Variants in KAZN observed in about 807,000 individuals in gnomAD.
KAZN encodes kazrin, periplakin interacting protein.
KAZN carries 40 observed loss-of-function variants against 87.4 expected under a neutral mutation model. That is an observed-to-expected ratio of 0.46 (90% CI 0.36 to 0.60). KAZN has a LOEUF of 0.60. KAZN is among the 20% of genes least tolerant of loss of function. The pLI, the probability that KAZN is intolerant of heterozygous loss-of-function variation, is 0.00. For missense variants in KAZN, 898 were observed against 1,073.9 expected, an observed-to-expected ratio of 0.84 and a Z score of 2.29; for synonymous variants, 466 against 458.3, an observed-to-expected ratio of 1.02 and a Z score of -0.22.
chr1:14,858,443 C>T (rs1650431072), intron 1 of KAZN, among the ~76,000 whole-genome samples: 2 of 152,070 alleles, frequency 1.3e-5, no homozygotes, highest in African/African-American at 4.8e-5. Context: ...GAACTCCTGA[C>T]CTCAGGTGAT....
intron 2 of KAZN, among the ~76,000 whole-genome samples, chr1:14,240,559 G>T (rs1648846100): frequency 6.6e-6 from 1 of 152,172 alleles, no homozygotes; most frequent in Non-Finnish European, 1.5e-5. Context: ...CAAATTAAGG[G>T]GTAACTGGGC....
intron 1 of KAZN, among the ~76,000 whole-genome samples, chr1:14,039,471 A>G (rs16853482): frequency 0.2 from 30,979 of 152,162 alleles, 3,246 homozygotes; most frequent in Middle Eastern, 0.26. Context: ...GACGACCCTA[A>G]CATCTAGCAA....
chr1:14,097,682 C>T (rs900187335), intron 1 of KAZN, among the ~76,000 whole-genome samples: 13 of 152,166 alleles, frequency 8.5e-5, no homozygotes, highest in Non-Finnish European at 1.8e-4. Flanking sequence ...TGTTCTTTAT[C>T]TTGTGAATTG....
intron 1 of KAZN, among the ~76,000 whole-genome samples, chr1:14,015,459 C>CTTTTTTTTTT (rs70987713): frequency 8.0e-5 from 2 of 25,066 alleles, no homozygotes; most frequent in African/African-American, 2.1e-4. Flanking sequence ...GTTACATCTA[C>CTTTTTTTTTT]TTTTTTTTTT....
At chr1:14,866,890 C>A (rs563729893) in intron 1 of KAZN, among the ~76,000 whole-genome samples, 1 of 152,330 alleles carries the variant, frequency 6.6e-6, no homozygotes, top group Non-Finnish European at 1.5e-5. Flanking sequence ...CTGGCCTGAG[C>A]TGTGGGGAGA....
chr1:14,375,613 A>G (rs4661488), intron 2 of KAZN, among the ~76,000 whole-genome samples: 141,116 of 152,212 alleles, frequency 0.93, 65,576 homozygotes, highest in Middle Eastern at 0.97. Context: ...GAGGCTGGGC[A>G]CGGTGGCTCA....
chr1:14,180,740 C>A, intron 2 of KAZN: 1 of 617,824 alleles, frequency 1.6e-6, no homozygotes. Flanking sequence ...TATTGGATTT[C>A]TGATTAGATC....
At chr1:14,921,288 C>T (rs541874546) in intron 1 of KAZN, among the ~76,000 whole-genome samples, 12 of 152,094 alleles carry the variant, frequency 7.9e-5, no homozygotes, top group East Asian at 1.9e-4. Context: ...TGAAAAGTAA[C>T]TAGGACGTAT....
intron 1 of KAZN, among the ~76,000 whole-genome samples, chr1:14,063,437 C>T (rs886486197): frequency 2.0e-5 from 3 of 152,172 alleles, no homozygotes; most frequent in Non-Finnish European, 4.4e-5. Flanking sequence ...AAATGGAGAT[C>T]AAATATGTGA....
chr1:15,099,418 C>T lies in KAZN; in HGVS notation c.1548-2125C>T, dbSNP rs542817255. Among the ~76,000 whole-genome samples, 12 of 152,294 alleles carry T rather than the reference C, an allele frequency of 7.9e-5. No homozygotes were observed. The highest frequency in any genetic ancestry group is 3.4e-3 in the Middle Eastern group (1 of 294). On this transcript the variant is annotated intron_variant, in intron 10 of 14. Coordinates refer to ENST00000376030, the MANE Select transcript of KAZN (RefSeq NM_201628.3). The surrounding 1 kb of genome is among the most constrained non-coding windows in gnomAD (Gnocchi z 5.4). ...GTGATTAGAGCTTTGAAGGAAAGCA[C>T]TAGGGACAGTAAGCAGACTTGGGGG...
At chr1:14,000,143 C>CT (rs1639715598) in intron 1 of KAZN, among the ~76,000 whole-genome samples, 1 of 152,212 alleles carries the variant, frequency 6.6e-6, no homozygotes, top group Admixed American at 6.5e-5. Context: ...TGTGCCATTC[C>CT]TTCTGAAACT....
chr1:14,805,641 C>A (rs1039826602), intron 1 of KAZN, among the ~76,000 whole-genome samples: 1 of 151,858 alleles, frequency 6.6e-6, no homozygotes, highest in African/African-American at 2.4e-5. Flanking sequence ...GACTGTAATC[C>A]CAGCTACTCG....
At chr1:14,869,852 G>A (rs1328779711) in intron 1 of KAZN, among the ~76,000 whole-genome samples, 1 of 152,220 alleles carries the variant, frequency 6.6e-6, no homozygotes. Flanking sequence ...AAAATCCAGT[G>A]TTATTAAAAG....
chr1:14,429,421 A>G (rs1665920077), intron 2 of KAZN, among the ~76,000 whole-genome samples: 1 of 152,170 alleles, frequency 6.6e-6, no homozygotes, highest in African/African-American at 2.4e-5. Context: ...CCTGCTTGGC[A>G]TTGAACTAGC....
chr1:14,904,463 G>T (rs1282849732), intron 1 of KAZN, among the ~76,000 whole-genome samples: 1 of 152,240 alleles, frequency 6.6e-6, no homozygotes, highest in African/African-American at 2.4e-5. Flanking sequence ...TTGCTACCCA[G>T]TTCCAAACAA....
chr1:14,339,695 G>A (rs181483569), intron 2 of KAZN, among the ~76,000 whole-genome samples: 2 of 152,274 alleles, frequency 1.3e-5, no homozygotes, highest in Admixed American at 6.5e-5. Context: ...TCACATTAAG[G>A]AGGGCAATCT....
At chr1:14,453,328 C>G (rs947177710) in intron 2 of KAZN, among the ~76,000 whole-genome samples, 2 of 152,114 alleles carry the variant, frequency 1.3e-5, no homozygotes, top group African/African-American at 4.8e-5. Flanking sequence ...GGAAATGTGT[C>G]TCTATTATAA....
chr1:14,579,648 A>G (rs1471657251), intron 2 of KAZN, among the ~76,000 whole-genome samples: 2 of 152,110 alleles, frequency 1.3e-5, no homozygotes, highest in Non-Finnish European at 2.9e-5. Context: ...AAAAAAAAAA[A>G]AAGAAATGCT....
At chr1:14,114,256 A>G (rs887935548) in intron 1 of KAZN, among the ~76,000 whole-genome samples, 1 of 151,946 alleles carries the variant, frequency 6.6e-6, no homozygotes, top group Admixed American at 6.5e-5. Flanking sequence ...GTGACCGAAT[A>G]TGTCATGTTT....
Sources: gnomAD v4.1 joint callset for allele counts (sites outside exome capture counted in the v4.1 genomes callset) on GRCh38, gnomAD v4.1.1 for gene constraint, Gnocchi (gnomAD v3.1) non-coding constraint, MANE v1.5 for transcripts, NCBI Gene and HGNC (gene_info 2026-07-23, HGNC 2026-07-21) for gene names.